Variants in EXD3 observed in about 807,000 individuals in gnomAD.
The protein encoded by EXD3 is exonuclease 3'-5' domain containing 3, also known as exonuclease mut-7 homolog.
Under a neutral mutation model 98.0 loss-of-function variants are expected in EXD3, and 92 were observed. The observed-to-expected ratio is 0.94, with a 90% CI of 0.79 to 1.12. EXD3 has a LOEUF of 1.12. EXD3 is among the 50% of genes most tolerant of loss of function. The probability of loss-of-function intolerance (pLI) is 0.00; values close to 1 mark genes in which losing one functional copy is unlikely to be tolerated. For missense variants in EXD3, 1,222 were observed against 1,191.6 expected (o/e 1.03, Z -0.38); for synonymous variants, 569 against 526.0 (o/e 1.08, Z -1.12).
chr9:137,403,869 AG>A lies in EXD3; in HGVS notation c.-47-8466del, dbSNP rs1247986389. 2.0e-5 allele frequency among the ~76,000 whole-genome samples: 3 copies of A among 152,228 alleles called. No homozygotes were observed. The highest frequency in any genetic ancestry group is 7.2e-5 in the African/African-American group (3 of 41,458). On this transcript the variant is annotated intron_variant, in intron 1 of 21. Transcript: ENST00000340951. The surrounding 1 kb of genome is among the most constrained non-coding windows in gnomAD (Gnocchi z 6.1). ...GAAGGGGAAGACAGACCTGTGGGAT[AG>A]GGATGGGTCCCGAGGCGGGGCAGTC...
At chr9:137,362,814 TTTG>T in intron 7 of EXD3, among the ~76,000 whole-genome samples, 1 of 152,216 alleles carries the variant, frequency 6.6e-6, no homozygotes, top group South Asian at 2.1e-4. Flanking sequence ...TGTTGTTGTT[TTTG>T]TTGTTGTTTT....
intron 7 of EXD3, chr9:137,366,261 G>GA (rs1564516376): frequency 1.4e-6 from 1 of 712,164 alleles, no homozygotes; most frequent in Non-Finnish European, 2.5e-6. Context: ...GTTCTTCTAA[G>GA]AGCAGTTAAC....
At chr9:137,368,121 A>G (rs904654155) in intron 5 of EXD3, 132 bp from the exon 6 acceptor site, 12 of 730,750 alleles carry the variant, frequency 1.6e-5, no homozygotes, top group Non-Finnish European at 2.2e-5. Context: ...TCCCGTGTTC[A>G]GCCACGTGGC....
chr9:137,382,369 C>A (rs1836358924), intron 3 of EXD3, among the ~76,000 whole-genome samples: 1 of 149,098 alleles, frequency 6.7e-6, no homozygotes, highest in Admixed American at 6.7e-5. Flanking sequence ...TGGAATCCCA[C>A]AACTCAGACA....
intron 2 of EXD3, among the ~76,000 whole-genome samples, chr9:137,387,970 G>A (rs1373925017): frequency 6.6e-6 from 1 of 152,224 alleles, no homozygotes; most frequent in Non-Finnish European, 1.5e-5. Context: ...GAGACAGATG[G>A]CCCTGGCCAG....
intron 2 of EXD3, among the ~76,000 whole-genome samples, chr9:137,394,796 G>C (rs914007888): frequency 4.6e-5 from 7 of 152,306 alleles, no homozygotes. Flanking sequence ...GAGGGCAGAT[G>C]TTCTTCTTAA....
chr9:137,327,162 C>T (rs1427197146), intron 17 of EXD3, among the ~76,000 whole-genome samples: 1 of 146,646 alleles, frequency 6.8e-6, no homozygotes, highest in Non-Finnish European at 1.5e-5. Flanking sequence ...GAGACAGAGT[C>T]TTGCTCTGTC....
At chr9:137,355,626 G>C in intron 8 of EXD3, among the ~76,000 whole-genome samples, 1 of 14,050 alleles carries the variant, frequency 7.1e-5, no homozygotes, top group Non-Finnish European at 1.1e-4. Flanking sequence ...AGGAAGGGAG[G>C]ATGGAGGAAG....
Position 137,349,090 on chromosome 9 carries a change from C to A in EXD3, c.1830+20G>T. 1 of 1,571,682 alleles carries A rather than the reference C, an allele frequency of 6.4e-7. No individual in the cohort carries two copies. Reference sequence around the variant, plus strand: ...TTCCCCAAGAATGCTGACAAACGGACCCTGCGGGGCTTCACCCACCTGCCT... The same window carrying A: ...TTCCCCAAGAATGCTGACAAACGGAACCTGCGGGGCTTCACCCACCTGCCT... On this transcript the variant is annotated intron_variant, in intron 16 of 21. Transcript: ENST00000340951. The surrounding 1 kb of genome is among the most constrained non-coding windows in gnomAD (Gnocchi z 7.4).
intron 3 of EXD3, among the ~76,000 whole-genome samples, chr9:137,379,668 C>T (rs1320388657): frequency 1.3e-5 from 2 of 151,962 alleles, no homozygotes; most frequent in Non-Finnish European, 2.9e-5. Flanking sequence ...CATTGTGAAA[C>T]GGCTGGTTTT....
chr9:137,374,283 G>A lies in EXD3; in HGVS notation c.121-684C>T, dbSNP rs560583221. Among the ~76,000 whole-genome samples, 6 of 152,330 alleles carry A rather than the reference G, an allele frequency of 3.9e-5. 1 individual carries two copies. The highest frequency in any genetic ancestry group is 7.4e-5 in the Non-Finnish European group (5 of 68,026). On this transcript the variant is annotated intron_variant, in intron 3 of 21. Coordinates refer to ENST00000340951, the MANE Select transcript of EXD3 (RefSeq NM_017820.5). ...TGGACGGGTTCACAGCTCAGCGCTC[G>A]GGACAGGGCGCAGCAGCCGACACCC... is the stretch of plus-strand genomic sequence containing the variant.
intron 1 of EXD3, among the ~76,000 whole-genome samples, chr9:137,412,735 A>C (rs1046289367): frequency 4.6e-5 from 7 of 152,234 alleles, no homozygotes; most frequent in Non-Finnish European, 4.4e-5. Flanking sequence ...CACTGTGTCC[A>C]CTGGCTTCAA....
At chr9:137,374,685 A>G (rs2131689138) in intron 3 of EXD3, 1 of 985,554 alleles carries the variant, frequency 1.0e-6, no homozygotes, top group Non-Finnish European at 1.2e-6. Flanking sequence ...AAGGCTGCAA[A>G]GTCCAGACCC....
chr9:137,354,167 C>A (rs1165681237), intron 10 of EXD3, 172 bp downstream of exon 10: 65 of 1,442,250 alleles, frequency 4.5e-5, no homozygotes, highest in Non-Finnish European at 2.9e-5. Flanking sequence ...CCTCCCGGGC[C>A]TGAGGACCCT....
intron 6 of EXD3, 42 bp downstream of exon 6, chr9:137,367,894 C>T: frequency 6.3e-7 from 1 of 1,594,150 alleles, no homozygotes; most frequent in Non-Finnish European, 8.6e-7. Context: ...TGGGCGTTAT[C>T]CAAGTTTGAA....
intron 5 of EXD3, among the ~76,000 whole-genome samples, chr9:137,368,765 T>A (rs904447133): frequency 6.8e-6 from 1 of 147,502 alleles, no homozygotes; most frequent in Non-Finnish European, 1.5e-5. Context: ...GGCCTTTCCC[T>A]GCGCAGCGCT....
chr9:137,308,981 G>GC, intron 20 of EXD3, among the ~76,000 whole-genome samples: 1 of 152,130 alleles, frequency 6.6e-6, no homozygotes, highest in East Asian at 1.9e-4. Flanking sequence ...CATTCCCTTA[G>GC]CCCCCGTGCC....
In EXD3 at chr9:137,351,395, G is replaced by T; in HGVS notation, c.1307C>A (p.Pro436Gln). The T allele has an allele frequency of 6.2e-7, 1 of 1,610,488 alleles. No homozygotes were observed. Residue 436 changes from proline to glutamine, a missense_variant, in exon 13 of 22, where the codon CCA becomes CAA. Pro to Gln is a moderately conservative substitution (Grantham distance 76, BLOSUM62 -1). Coordinates refer to ENST00000340951, the MANE Select transcript of EXD3 (RefSeq NM_017820.5). ...GGCCTGGGCTCCCTGCCCTGTTGGTGGCTGCGAGAGTGCCAGGACGTCCAG... is the reference window on the plus strand; with the variant it reads ...GGCCTGGGCTCCCTGCCCTGTTGGTTGCTGCGAGAGTGCCAGGACGTCCAG... ...FLLDVLALSQ[P>Q]PTGQGAQAFS...
chr9:137,339,482 G>A (rs1488622165), intron 17 of EXD3, among the ~76,000 whole-genome samples: 1 of 119,148 alleles, frequency 8.4e-6, no homozygotes, highest in African/African-American at 3.6e-5. Context: ...GGGTAACACA[G>A]CAAGACGCCA....
Sources: gnomAD v4.1 joint callset for allele counts (sites outside exome capture counted in the v4.1 genomes callset) on GRCh38, gnomAD v4.1.1 for gene constraint, Gnocchi (gnomAD v3.1) non-coding constraint, MANE v1.5 for transcripts, NCBI Gene and HGNC (gene_info 2026-07-23, HGNC 2026-07-21) for gene names.